The following GALK2 variants were observed in gnomAD, a reference collection of about 807,000 sequenced individuals.
The protein encoded by GALK2 is N-acetylgalactosamine kinase.
A neutral mutation model predicts 52.4 loss-of-function variants in GALK2; 36 were observed. The ratio of observed to expected loss-of-function variants is 0.69; its 90% CI spans 0.53 to 0.91. The LOEUF (loss-of-function observed/expected upper bound fraction) is 0.91. Ranked by LOEUF, GALK2 falls within the 40% of genes least tolerant of loss-of-function variation. The pLI, the probability that GALK2 is intolerant of heterozygous loss-of-function variation, is 0.00. For missense variants in GALK2, 579 were observed against 559.1 expected (o/e 1.04, Z -0.36); for synonymous variants, 176 against 199.1 (o/e 0.88, Z 0.98).
chr15:49,197,753 TTA>T (rs2087367943), intron 1 of GALK2, among the ~76,000 whole-genome samples: 1 of 152,198 alleles, frequency 6.6e-6, no homozygotes, highest in Non-Finnish European at 1.5e-5. Flanking sequence ...ATGGTACATT[TTA>T]TGTTTTTCTT....
At chr15:49,361,242 A>T (rs539081921) in intron 3 of GALK2, among the ~76,000 whole-genome samples, 11 of 151,826 alleles carry the variant, frequency 7.2e-5, no homozygotes, top group African/African-American at 1.2e-4. Context: ...TATGATGCAA[A>T]TTTTTTTTTA....
Position 49,330,686 on chromosome 15 carries a change from A to T in GALK2, c.*2527A>T, listed in dbSNP as rs1297075467. 6.6e-6 allele frequency: 1 copy of T among 151,488 alleles called. No individual in the cohort carries two copies. Among genetic ancestry groups the T allele is most frequent in the East Asian group, 1.9e-4 (1 of 5,154 alleles). 9.4% of individuals were successfully genotyped at this position (151,488 alleles called of 1,614,324 possible). A position where few individuals can be genotyped will look rare whatever the true frequency, so the allele number is the denominator to read the frequency against. On this transcript the variant is annotated 3_prime_UTR_variant, in exon 10 of 10. Coordinates refer to ENST00000560031, the MANE Select transcript of GALK2 (RefSeq NM_002044.4). ...AGGACACTTGCACTGTTGTTTTCCT[A>T]TTCTAATTAGGTATTTCTCTGTGCC...
intron 3 of GALK2, among the ~76,000 whole-genome samples, chr15:49,362,824 G>A (rs2044482167): frequency 6.6e-6 from 1 of 152,070 alleles, no homozygotes. Context: ...AAGGGGTCCA[G>A]TTTCAATCTT....
downstream of GALK2, among the ~76,000 whole-genome samples, chr15:49,333,137 C>A (rs2039092415): frequency 6.6e-6 from 1 of 151,918 alleles, no homozygotes; most frequent in African/African-American, 2.4e-5. Context: ...TTACAATCTC[C>A]CCTCTTTAAA....
rs141369775 is a variant in GALK2 at position 49,229,853 on chromosome 15, G to A, written c.267-5998G>A. Among the ~76,000 whole-genome samples, 302 of 152,212 alleles carry A rather than the reference G, an allele frequency of 2.0e-3. 1 individual carries two copies. Among genetic ancestry groups the A allele is most frequent in the African/African-American group, 6.7e-3 (277 of 41,514 alleles). On this transcript the variant is annotated intron_variant, in intron 3 of 9. Transcript: ENST00000560031. The stretch of plus-strand genomic sequence containing the variant: ...AGGTAGTGGCTGCAGGTGGGGTAGC[G>A]TTTCCTCGGGGCACTTGAAAATCCA...
chr15:49,283,520 T>A, intron 6 of GALK2, 46 bp from the exon 7 acceptor site: 2 of 1,485,018 alleles, frequency 1.3e-6, no homozygotes, highest in Non-Finnish European at 1.9e-6. Context: ...GAACATTTTC[T>A]GCATTCTAAT....
intron 3 of GALK2, among the ~76,000 whole-genome samples, chr15:49,217,879 T>G (rs1458431530): frequency 2.0e-5 from 3 of 152,226 alleles, no homozygotes; most frequent in African/African-American, 7.2e-5. Context: ...CTTAGTTTGC[T>G]AAGATTAAAA....
At chr15:49,224,711 T>A (rs1475985531) in intron 3 of GALK2, among the ~76,000 whole-genome samples, 1 of 152,236 alleles carries the variant, frequency 6.6e-6, no homozygotes, top group Non-Finnish European at 1.5e-5. Context: ...TTTGTACCAA[T>A]ACTATGCTGT....
At chr15:49,338,640 T>G (rs999246550) in intron 3 of GALK2, among the ~76,000 whole-genome samples, 1 of 152,194 alleles carries the variant, frequency 6.6e-6, no homozygotes, top group Non-Finnish European at 1.5e-5. Flanking sequence ...CTTTGTGGTG[T>G]TCTCTGTATT....
At chr15:49,271,841 A>G (rs1300115245) in intron 5 of GALK2, among the ~76,000 whole-genome samples, 6 of 152,176 alleles carry the variant, frequency 3.9e-5, no homozygotes, top group Admixed American at 2.0e-4. Context: ...GGAGGAAACT[A>G]TTTGGGAATT....
At chr15:49,237,102 C>T (rs1595783817) in intron 4 of GALK2, among the ~76,000 whole-genome samples, 1 of 152,286 alleles carries the variant, frequency 6.6e-6, no homozygotes, top group East Asian at 1.9e-4. Context: ...TTTTAATCTT[C>T]CTTGTAACAA....
chr15:49,319,761 T>C lies in GALK2; in HGVS notation c.1125T>C (p.Tyr375=). The C allele has an allele frequency of 6.2e-7, 1 of 1,614,066 alleles. No homozygotes were observed. ...NQSHMSCRDM[Y]ECSCPELDQL... is the part of the protein sequence containing the mutation. The stretch of plus-strand genomic sequence containing the variant: ...GCCACATGAGCTGCCGGGACATGTA[T>C]GAGTGCAGCTGCCCCGAGCTGGATC... The change falls in exon 9 of 10, where the codon TAT becomes TAC. Residue 375 remains tyrosine (Y), a synonymous_variant. Transcript: ENST00000560031.
chr15:49,228,727 T>G (rs1204689601), intron 3 of GALK2, among the ~76,000 whole-genome samples: 1 of 110,684 alleles, frequency 9.0e-6, no homozygotes, highest in African/African-American at 3.3e-5. Flanking sequence ...GGAGTCTCAA[T>G]CTGTTGCCCA....
chr15:49,263,975 C>T lies in GALK2; in HGVS notation c.505-18012C>T, dbSNP rs1344399804. On this transcript the variant is annotated intron_variant, in intron 5 of 9. Coordinates refer to ENST00000560031, the MANE Select transcript of GALK2 (RefSeq NM_002044.4). Reference sequence around the variant, plus strand: ...GATGGGCTTCCCTTTGAGGGTAACCCGACCTTTCTCTCTAGCTGTCCTTAA... The same window carrying T: ...GATGGGCTTCCCTTTGAGGGTAACCTGACCTTTCTCTCTAGCTGTCCTTAA... Among the ~76,000 whole-genome samples, 10 of 151,910 alleles carry T rather than the reference C, an allele frequency of 6.6e-5. No homozygotes were observed. In the East Asian group the frequency reaches 1.4e-3, roughly 21 times the overall value.
chr15:49,296,315 CT>C (rs1002330901), intron 8 of GALK2, among the ~76,000 whole-genome samples: 2 of 152,108 alleles, frequency 1.3e-5, no homozygotes, highest in Non-Finnish European at 2.9e-5. Context: ...TGTACTTTTC[CT>C]TTCTTTGTCA....
chr15:49,196,497 T>C (rs1353038019), intron 1 of GALK2, among the ~76,000 whole-genome samples: 1 of 152,228 alleles, frequency 6.6e-6, no homozygotes, highest in Non-Finnish European at 1.5e-5. Context: ...TTCTACTTTA[T>C]GGAATTTACT....
chr15:49,275,620 G>A (rs1271593576), intron 5 of GALK2, among the ~76,000 whole-genome samples: 2 of 152,156 alleles, frequency 1.3e-5, no homozygotes, highest in East Asian at 1.9e-4. Context: ...CTAACTCAGC[G>A]AAACATTCCT....
At chr15:49,238,239 C>T (rs1339146502) in intron 4 of GALK2, among the ~76,000 whole-genome samples, 1 of 152,138 alleles carries the variant, frequency 6.6e-6, no homozygotes, top group Non-Finnish European at 1.5e-5. Context: ...AGGAGGTAGA[C>T]TTGAATTTAT....
intron 2 of GALK2, among the ~76,000 whole-genome samples, chr15:49,209,778 T>G (rs2088656810): frequency 6.6e-6 from 1 of 152,196 alleles, no homozygotes. Context: ...TCAACTGAGA[T>G]ATTGTCCTGT....
Sources: allele counts gnomAD v4.1 joint callset (sites outside exome capture counted in the v4.1 genomes callset), GRCh38; gene constraint gnomAD v4.1.1; transcripts MANE v1.5; gene names NCBI Gene and HGNC (gene_info 2026-07-23, HGNC 2026-07-21).